Variants in NEXMIF observed in about 807,000 individuals in gnomAD.
NEXMIF encodes the protein XLMR protein related to neurite extension.
NEXMIF carries 8 observed loss-of-function variants against 62.1 expected under a neutral mutation model. That is an observed-to-expected ratio of 0.13 (90% CI 0.08 to 0.23). The LOEUF (loss-of-function observed/expected upper bound fraction) is 0.23, where lower values mean the gene tolerates loss of function less well. Ranked by LOEUF, NEXMIF falls within the 10% of genes least tolerant of loss-of-function variation. NEXMIF has a pLI of 1.00. For missense variants in NEXMIF, 976 were observed against 1,113.3 expected, an observed-to-expected ratio of 0.88 and a Z score of 1.75; for synonymous variants, 404 against 416.6, an observed-to-expected ratio of 0.97 and a Z score of 0.37.
In NEXMIF at chrX:74,743,645, G is replaced by A. The variant is rs1442713290; in HGVS notation, c.912C>T (p.Gly304=). ...GAATTTTCAGGGAGCAGACATCACT[G>A]CCTAGTGTTGATTCATCATCATCAA... ...YMFDDDESTL[G]SDVCSLKIRY... The change falls in exon 3 of 4, where the codon GGC becomes GGT. Residue 304 remains glycine (G), a synonymous_variant. Coordinates refer to ENST00000055682, the MANE Select transcript of NEXMIF (RefSeq NM_001008537.3). 4 of 1,210,094 alleles carry A rather than the reference G, an allele frequency of 3.3e-6. No homozygotes were observed. In the South Asian group the frequency reaches 5.3e-5, roughly 16 times the overall value.
At chrX:74,851,169 C>T (rs2080512081) in intron 1 of NEXMIF, among the ~76,000 whole-genome samples, 1 of 110,371 alleles carries the variant, frequency 9.1e-6, no homozygotes, top group Non-Finnish European at 1.9e-5. Context: ...CCCAGTCAGT[C>T]AAATTTTTTT....
chrX:74,756,212 C>T (rs748901655), intron 1 of NEXMIF, among the ~76,000 whole-genome samples: 269 of 112,176 alleles, frequency 2.4e-3, no homozygotes, highest in African/African-American at 8.2e-3. Flanking sequence ...CCGCCCGCCT[C>T]GGCCTCCCGT....
At chrX:74,812,476 T>C (rs1388792845) in intron 1 of NEXMIF, among the ~76,000 whole-genome samples, 1 of 112,057 alleles carries the variant, frequency 8.9e-6, no homozygotes, top group African/African-American at 3.2e-5. Flanking sequence ...TTATATTCTT[T>C]CTGACAAGTA....
At chrX:74,820,140 G>A (rs1319512765) in intron 1 of NEXMIF, among the ~76,000 whole-genome samples, 1 of 110,203 alleles carries the variant, frequency 9.1e-6, no homozygotes, top group Non-Finnish European at 1.9e-5. Context: ...TGGACAATGA[G>A]ATCACTTGGA....
intron 1 of NEXMIF, among the ~76,000 whole-genome samples, chrX:74,808,249 C>A (rs1279343389): frequency 9.1e-6 from 1 of 110,175 alleles, no homozygotes; most frequent in Non-Finnish European, 1.9e-5. Context: ...ACTAAAAATT[C>A]AAAAATTAGC....
intron 1 of NEXMIF, among the ~76,000 whole-genome samples, chrX:74,855,781 T>C (rs1012796134): frequency 3.6e-5 from 4 of 111,890 alleles, no homozygotes; most frequent in Admixed American, 1.9e-4. Flanking sequence ...GATTTATTGG[T>C]TCCAGGTGCT....
chrX:74,887,961 C>T (rs1299867166), intron 1 of NEXMIF, among the ~76,000 whole-genome samples: 5 of 111,868 alleles, frequency 4.5e-5, no homozygotes, highest in Admixed American at 3.8e-4. Context: ...GAATACTATG[C>T]AGCTATAAAA....
At chrX:74,747,578 A>G (rs1373221820) in intron 1 of NEXMIF, among the ~76,000 whole-genome samples, 2 of 112,057 alleles carry the variant, frequency 1.8e-5, no homozygotes, top group Non-Finnish European at 3.8e-5. Flanking sequence ...TGTTATCAGT[A>G]AAAATTAATG....
Position 74,764,558 on chromosome X carries a change from T to A in NEXMIF, c.-47-18861A>T, listed in dbSNP as rs111719760. 5.7e-3 allele frequency among the ~76,000 whole-genome samples: 637 copies of A among 112,060 alleles called. 3 individuals carry two copies. The highest frequency in any genetic ancestry group is 0.02 in the African/African-American group (614 of 30,805). On this transcript the variant is annotated intron_variant, in intron 1 of 3. Coordinates refer to ENST00000055682, the MANE Select transcript of NEXMIF (RefSeq NM_001008537.3). ...AGAAGGAATGGTACCAGCTCCTCCTTGTACCTCTGGTAGAATTCGGCTATG... is the reference window on the plus strand; with the variant it reads ...AGAAGGAATGGTACCAGCTCCTCCTAGTACCTCTGGTAGAATTCGGCTATG...
At position 74,905,093 on chromosome X, in the gene NEXMIF, T is replaced by C. The variant is rs149928172; in HGVS notation, c.-48+19790A>G. Reference sequence around the variant, plus strand: ...TAAAAATATGAAAAAGTAATGTACATGTCATCAGCTCCAGGGTACAGTTTG... The same window carrying C: ...TAAAAATATGAAAAAGTAATGTACACGTCATCAGCTCCAGGGTACAGTTTG... On this transcript the variant is annotated intron_variant, in intron 1 of 3. Coordinates refer to ENST00000055682, the MANE Select transcript of NEXMIF (RefSeq NM_001008537.3). Among the ~76,000 whole-genome samples the C allele has an allele frequency of 7.5e-3, 841 of 111,590 alleles. 9 individuals carry two copies. The highest frequency in any genetic ancestry group is 0.026 in the African/African-American group (812 of 30,665).
chrX:74,886,364 T>C (rs1161766226), intron 1 of NEXMIF, among the ~76,000 whole-genome samples: 1 of 111,824 alleles, frequency 8.9e-6, no homozygotes, highest in Admixed American at 9.5e-5. Flanking sequence ...AAATTGTCCC[T>C]GTTTGCAGAT....
rs767772630 is a variant in NEXMIF at position 74,913,279 on chromosome X, GTC to G, written c.-48+11602_-48+11603del. 2.1e-4 allele frequency among the ~76,000 whole-genome samples: 23 copies of G among 111,889 alleles called. No homozygotes were observed. The South Asian group carries it at 8.2e-3, about 40-fold the overall frequency. On this transcript the variant is annotated intron_variant, in intron 1 of 3. Transcript: ENST00000055682. ...TCAAAACATAAAAACTCAATGTATGGTCTCTACAACAGAATGAAGAAGATGGA... is the reference window on the plus strand; with the variant it reads ...TCAAAACATAAAAACTCAATGTATGGTCTACAACAGAATGAAGAAGATGGA...
At chrX:74,880,890 C>T (rs1349098709) in intron 1 of NEXMIF, among the ~76,000 whole-genome samples, 1 of 111,502 alleles carries the variant, frequency 9.0e-6, no homozygotes, top group Non-Finnish European at 1.9e-5. Flanking sequence ...CTGGGTTTGT[C>T]ACAGTATCCT....
chrX:74,850,851 T>C (rs183078733), intron 1 of NEXMIF, among the ~76,000 whole-genome samples: 1 of 110,238 alleles, frequency 9.1e-6, no homozygotes, highest in East Asian at 2.9e-4. Context: ...AAAATAATTA[T>C]TCTCCAGCAA....
intron 1 of NEXMIF, among the ~76,000 whole-genome samples, chrX:74,747,835 T>G (rs141946334): frequency 9.0e-6 from 1 of 111,422 alleles, no homozygotes. Context: ...AGGCTGATCT[T>G]GAACTCCTGA....
At chrX:74,897,941 T>C (rs896084783) in intron 1 of NEXMIF, among the ~76,000 whole-genome samples, 20 of 111,859 alleles carry the variant, frequency 1.8e-4, no homozygotes, top group African/African-American at 5.8e-4. Flanking sequence ...TAAATATACA[T>C]GATATACATG....
intron 1 of NEXMIF, among the ~76,000 whole-genome samples, chrX:74,878,815 C>A (rs1367086112): frequency 1.3e-4 from 15 of 112,562 alleles, no homozygotes; most frequent in Non-Finnish European, 2.4e-4. Context: ...CCTTGCGCTT[C>A]CCGTGTGAAG....
rs766391935 is a variant in NEXMIF at position 74,742,918 on chromosome X, G to A, written c.1639C>T (p.Arg547Cys). The part of the protein sequence containing the change: ...PVIIKYIIIN[R>C]FKGEKNMLVK... ...AGCATGTTCTTCTCACCTTTAAAGC[G>A]ATTAATGATGATATATTTGATAATA... Residue 547 changes from arginine (R) to cysteine (C), a missense_variant, in exon 3 of 4, where the codon CGC becomes TGC. Around this residue, in one of 5 missense-constraint regions of NEXMIF, gnomAD observed 639 missense variants for 694.5 expected, o/e 0.92. Coordinates refer to ENST00000055682, the MANE Select transcript of NEXMIF (RefSeq NM_001008537.3). 2.5e-6 allele frequency: 3 copies of A among 1,208,462 alleles called. No individual in the cohort carries two copies. Among genetic ancestry groups the A allele is most frequent in the African/African-American group, 1.8e-5 (1 of 56,919 alleles).
At position 74,742,980 on chromosome X, in the gene NEXMIF, T is replaced by C. The variant is rs371692121; in HGVS notation, c.1577A>G (p.Lys526Arg). Residue 526 changes from lysine (K) to arginine (R), a missense_variant, in exon 3 of 4, where the codon AAA becomes AGA. Physicochemically the swap from Lys to Arg is conservative, Grantham distance 26. Coordinates refer to ENST00000055682, the MANE Select transcript of NEXMIF (RefSeq NM_001008537.3). ...CTTACGGGTTACTTTTCTTCTCTTTTTGGGACACCATTCATCATCATCTTC... is the reference window on the plus strand; with the variant it reads ...CTTACGGGTTACTTTTCTTCTCTTTCTGGGACACCATTCATCATCATCTTC... ...KEEDDDEWCP[K>R]KRRKVTRKEP... The C allele has an allele frequency of 1.2e-5, 15 of 1,209,635 alleles. No homozygotes were observed. Among genetic ancestry groups the C allele is most frequent in the African/African-American group, 1.8e-5 (1 of 57,102 alleles).
Sources: gnomAD v4.1 joint callset for allele counts (sites outside exome capture counted in the v4.1 genomes callset) on GRCh38, gnomAD v4.1.1 for gene constraint, gnomAD v4.1.1 regional missense constraint, MANE v1.5 for transcripts, NCBI Gene and HGNC (gene_info 2026-07-23, HGNC 2026-07-21) for gene names.